The following FMO5 variants were observed in gnomAD, a reference collection of about 807,000 sequenced individuals.
FMO5 encodes flavin containing dimethylaniline monoxygenase 5.
Under a neutral mutation model 43.6 loss-of-function variants are expected in FMO5, and 51 were observed. That is an observed-to-expected ratio of 1.17 (90% CI 0.93 to 1.48). The LOEUF (loss-of-function observed/expected upper bound fraction) is 1.48, where lower values mean the gene tolerates loss of function less well. Ranked by LOEUF, FMO5 falls within the 40% of genes most tolerant of loss-of-function variation. The pLI is 0.00. For synonymous variants in FMO5, 187 were observed against 216.5 expected (o/e 0.86, Z 1.20); for missense variants, 644 against 643.0 (o/e 1.00, Z -0.02).
chr1:147,218,929 A>C lies in FMO5; in HGVS notation c.136-2987T>G, dbSNP rs1299637408. On this transcript the variant is annotated intron_variant, in intron 2 of 8. Transcript: ENST00000254090. ...TCCGCTATTCATCCTCCAAGCTCCC[A>C]AAACTCTCTGTTCATATTTCTATAA... Among the ~76,000 whole-genome samples, 16 of 152,184 alleles carry C rather than the reference A, an allele frequency of 1.1e-4. 1 individual carries two copies. The highest frequency in any genetic ancestry group is 3.9e-4 in the African/African-American group (16 of 41,438).
downstream of FMO5, chr1:147,184,780 A>G: frequency 9.3e-7 from 1 of 1,074,242 alleles, no homozygotes; most frequent in Non-Finnish European, 1.2e-6. The surrounding 1 kb of genome is among the most constrained non-coding windows in gnomAD (Gnocchi z 4.4). Flanking sequence ...AGATTTCTCC[A>G]CTACAAAGTT....
At chr1:147,208,564 T>C (rs1388119291) in intron 6 of FMO5, 8 of 261,712 alleles carry the variant, frequency 3.1e-5, no homozygotes, top group Non-Finnish European at 5.3e-5. Flanking sequence ...CTCAGCCTCC[T>C]GAATAGCTGG....
At chr1:147,212,066 C>A (rs782344719) in intron 5 of FMO5, among the ~76,000 whole-genome samples, 21 of 152,098 alleles carry the variant, frequency 1.4e-4, no homozygotes, top group Non-Finnish European at 2.9e-5. Flanking sequence ...CTAACAACCT[C>A]TCCCAGCAAT....
At chr1:147,224,051 G>T in intron 2 of FMO5, 1 of 398,538 alleles carries the variant, frequency 2.5e-6, no homozygotes. Context: ...CATCGAGCTG[G>T]TTGTCTTCCT....
rs28381217 is a variant in FMO5 at position 147,190,413 on chromosome 1, A to C, written c.1184-164T>G. Among the ~76,000 whole-genome samples the C allele has an allele frequency of 6.0e-3, 908 of 152,262 alleles. 4 individuals are homozygous for C. Among genetic ancestry groups the C allele is most frequent in the Middle Eastern group, 0.01 (3 of 294 alleles). ...ATCACCTTACCACCACCACAATATA[A>C]TATTAACATCTGCAGCTTACTCTAC... On this transcript the variant is annotated intron_variant, in intron 7 of 8. Coordinates refer to ENST00000254090, the MANE Select transcript of FMO5 (RefSeq NM_001461.4).
At chr1:147,189,011 C>G (rs1436882083) in intron 8 of FMO5, among the ~76,000 whole-genome samples, 1 of 152,098 alleles carries the variant, frequency 6.6e-6, no homozygotes, top group African/African-American at 2.4e-5. Context: ...TACGGTGGCT[C>G]ATGCCTGTAA....
chr1:147,226,165 G>A (rs1242176205), upstream of FMO5, among the ~76,000 whole-genome samples: 1 of 151,168 alleles, frequency 6.6e-6, no homozygotes, highest in African/African-American at 2.4e-5. Context: ...AACGAGGCAA[G>A]GTGGTGGGAG....
At chr1:147,194,320 G>A (rs140458831) in intron 7 of FMO5, among the ~76,000 whole-genome samples, 1,789 of 152,106 alleles carry the variant, frequency 0.012, 16 homozygotes, top group African/African-American at 0.021. Flanking sequence ...TCAGAGACTA[G>A]GATTGCAACC....
chr1:147,186,843 T>C lies in FMO5; in HGVS notation c.*57A>G, dbSNP rs1258231745. The C allele has an allele frequency of 3.9e-6, 6 of 1,548,802 alleles. No homozygotes were observed. The highest frequency in any genetic ancestry group is 1.4e-5 in the African/African-American group (1 of 72,862). ...ACTGAGAGTCAATCTCGTCAGATTC[T>C]GAAGGCATCTGTAGATAAGCTTCCC... On this transcript the variant is annotated 3_prime_UTR_variant, in exon 9 of 9. Coordinates refer to ENST00000254090, the MANE Select transcript of FMO5 (RefSeq NM_001461.4).
chr1:147,201,737 G>A (rs1553921055), intron 6 of FMO5, among the ~76,000 whole-genome samples: 2 of 152,152 alleles, frequency 1.3e-5, no homozygotes, highest in African/African-American at 4.8e-5. Context: ...TGAAGGAAGA[G>A]TGTTGTTTGA....
rs879951329 is a variant in FMO5 at position 147,204,774 on chromosome 1, T to C, written c.831-3270A>G. 6 of 1,573,614 alleles carry C rather than the reference T, an allele frequency of 3.8e-6. No individual in the cohort carries two copies. The African/African-American group carries it at 8.1e-5, about 21-fold the overall frequency. On this transcript the variant is annotated intron_variant, in intron 6 of 8. Transcript: ENST00000254090. ...TCTCCAAGTGGTTGATAACCATTTT[T>C]TTCATTCCATTTCGTCCATATGCTG...
Position 147,186,404 on chromosome 1 carries a change from A to C in FMO5, c.*496T>G, listed in dbSNP as rs1655628252. On this transcript the variant is annotated 3_prime_UTR_variant, in exon 9 of 9. Coordinates refer to ENST00000254090, the MANE Select transcript of FMO5 (RefSeq NM_001461.4). The stretch of plus-strand genomic sequence containing the variant: ...TATATGTCTTATCTTAGATACATAC[A>C]ACTATTGTAGGAACATTATTTCTCT... 1.1e-6 allele frequency: 1 copy of C among 902,330 alleles called. No homozygotes were observed. The highest frequency in any genetic ancestry group is 1.8e-5 in the African/African-American group (1 of 55,520). The allele number at this position is 902,330 out of a possible 1,614,324, so 55.9% of individuals were successfully genotyped here.
chr1:147,184,378 A>T, downstream of FMO5: 2 of 1,137,150 alleles, frequency 1.8e-6, no homozygotes, highest in Non-Finnish European at 2.3e-6. The surrounding 1 kb of genome is among the most constrained non-coding windows in gnomAD (Gnocchi z 4.4). Flanking sequence ...TAATAAACCA[A>T]TATTGATACA....
chr1:147,227,067 G>A (rs959873961), upstream of FMO5, among the ~76,000 whole-genome samples: 1 of 152,142 alleles, frequency 6.6e-6, no homozygotes, highest in Non-Finnish European at 1.5e-5. Flanking sequence ...GGGCTCAAGT[G>A]ATCCACCTGC....
intron 2 of FMO5, chr1:147,224,007 C>T (rs1663544623): frequency 2.4e-6 from 1 of 420,966 alleles, no homozygotes; most frequent in Non-Finnish European, 4.7e-6. Context: ...AACAAGAAGA[C>T]TCAGCTGGTG....
chr1:147,186,668 G>A lies in FMO5; in HGVS notation c.*232C>T. 7.5e-7 allele frequency: 1 copy of A among 1,337,156 alleles called. No individual in the cohort carries two copies. Among genetic ancestry groups the A allele is most frequent in the Non-Finnish European group, 9.6e-7 (1 of 1,045,448 alleles). 82.8% of individuals were successfully genotyped at this position (1,337,156 alleles called of 1,614,324 possible). A position where few individuals can be genotyped will look rare whatever the true frequency, so the allele number is the denominator to read the frequency against. ...GACTAAAAGAGTACCTGAGCTCCCA[G>A]TCTAGGGATTACCACAAGGAAGAGT... On this transcript the variant is annotated 3_prime_UTR_variant, in exon 9 of 9. Coordinates refer to ENST00000254090, the MANE Select transcript of FMO5 (RefSeq NM_001461.4).
chr1:147,190,349 G>C, intron 7 of FMO5, 100 bp from the exon 8 acceptor site: 1 of 742,444 alleles, frequency 1.3e-6, no homozygotes, highest in South Asian at 1.8e-5. Flanking sequence ...AGAAATACAG[G>C]GTAAGTTTCC....
intron 8 of FMO5, 29 bp downstream of exon 8, chr1:147,190,147 AC>A: frequency 7.2e-7 from 1 of 1,391,266 alleles, no homozygotes; most frequent in Non-Finnish European, 1.0e-6. Flanking sequence ...TAGAAATGTA[AC>A]CATATATCTT....
intron 6 of FMO5, among the ~76,000 whole-genome samples, chr1:147,206,975 C>A (rs185953104): frequency 1.3e-5 from 2 of 151,472 alleles, no homozygotes; most frequent in East Asian, 3.9e-4. Flanking sequence ...AGAGACATGA[C>A]AACTAAATGT....
Sources: gnomAD v4.1 joint callset for allele counts (sites outside exome capture counted in the v4.1 genomes callset) on GRCh38, gnomAD v4.1.1 for gene constraint, Gnocchi (gnomAD v3.1) non-coding constraint, MANE v1.5 for transcripts, NCBI Gene and HGNC (gene_info 2026-07-23, HGNC 2026-07-21) for gene names.